Variants in RYR2 observed in about 807,000 individuals in gnomAD.
RYR2 encodes the protein cardiac muscle ryanodine receptor-calcium release channel.
RYR2 carries 227 observed loss-of-function variants against 601.1 expected under a neutral mutation model. That is an observed-to-expected ratio of 0.38 (90% CI 0.34 to 0.42). The LOEUF (loss-of-function observed/expected upper bound fraction) is 0.42. RYR2 is among the 10% of genes least tolerant of loss of function. The pLI is 1.00. For synonymous variants in RYR2, 2,223 were observed against 2,175.1 expected, an observed-to-expected ratio of 1.02 and a Z score of -0.61; for missense variants, 4,646 against 6,156.5, an observed-to-expected ratio of 0.75 and a Z score of 8.21.
At chr1:237,539,970 A>G (rs560299937) in intron 25 of RYR2, among the ~76,000 whole-genome samples, 6 of 152,188 alleles carry the variant, frequency 3.9e-5, no homozygotes, top group Non-Finnish European at 7.4e-5. Context: ...TTAATGGAAA[A>G]TTCTTAAGAA....
chr1:237,395,575 C>A, intron 10 of RYR2, among the ~76,000 whole-genome samples: 1 of 121,644 alleles, frequency 8.2e-6, no homozygotes, highest in South Asian at 2.7e-4. Context: ...GAGACAGAGT[C>A]TCGCTTTGTT....
intron 50 of RYR2, among the ~76,000 whole-genome samples, chr1:237,650,610 C>T (rs530361213): frequency 2.0e-5 from 3 of 152,278 alleles, no homozygotes; most frequent in African/African-American, 7.2e-5. Flanking sequence ...GAATGTCTTA[C>T]AATGAAAACC....
chr1:237,382,819 CTG>C (rs1701645951), intron 8 of RYR2, among the ~76,000 whole-genome samples: 1 of 151,728 alleles, frequency 6.6e-6, no homozygotes, highest in Non-Finnish European at 1.5e-5. Context: ...GATTAATTTG[CTG>C]TGAGCCTTTC....
chr1:237,451,226 C>T (rs6429015), intron 14 of RYR2, among the ~76,000 whole-genome samples: 78,078 of 151,860 alleles, frequency 0.51, 21,511 homozygotes, highest in East Asian at 0.64. Context: ...TTGTATTCTA[C>T]GTTCTATACA....
In RYR2 at chr1:237,831,474, C is replaced by T. The variant is rs1391099107; in HGVS notation, c.14757-40C>T. 2.7e-6 allele frequency: 3 copies of T among 1,108,746 alleles called. No homozygotes were observed. The African/African-American group carries it at 4.7e-5, about 17-fold the overall frequency. The allele number at this position is 1,108,746 out of a possible 1,614,324, so 68.7% of individuals were successfully genotyped here. ...ATATGCCCTGTTTATCCTAATATTT[C>T]CATACCGTTCATTTCTGATCAGTTT... On this transcript the variant is annotated intron_variant, in intron 103 of 104. Coordinates refer to ENST00000366574, the MANE Select transcript of RYR2 (RefSeq NM_001035.3).
At chr1:237,531,674 G>C (rs1277639987) in intron 25 of RYR2, among the ~76,000 whole-genome samples, 4 of 152,104 alleles carry the variant, frequency 2.6e-5, no homozygotes, top group Non-Finnish European at 5.9e-5. Context: ...TTTTTACTCA[G>C]GTGCTCCATA....
intron 1 of RYR2, among the ~76,000 whole-genome samples, chr1:237,206,147 T>C (rs1042257979): frequency 6.6e-6 from 1 of 152,100 alleles, no homozygotes; most frequent in African/African-American, 2.4e-5. Context: ...CTTTGGCTCC[T>C]AGGGCTCCAG....
intron 86 of RYR2, 107 bp downstream of exon 86, chr1:237,772,207 A>G (rs1694327206): frequency 1.3e-5 from 8 of 609,150 alleles, no homozygotes; most frequent in Non-Finnish European, 2.0e-5. Flanking sequence ...AGTTTTTGAG[A>G]TAGTTTATCT....
chr1:237,434,559 G>T (rs772061207), intron 12 of RYR2, among the ~76,000 whole-genome samples: 1 of 151,986 alleles, frequency 6.6e-6, no homozygotes, highest in African/African-American at 2.4e-5. Flanking sequence ...TAATCATAAG[G>T]CAGGTCTTGC....
chr1:237,547,005 T>A (rs189487685), intron 25 of RYR2, among the ~76,000 whole-genome samples: 1,108 of 63,560 alleles, frequency 0.017, 6 homozygotes, highest in Admixed American at 0.053. Context: ...ATTTATTTAT[T>A]TATTTATTTA....
At chr1:237,571,630 A>T (rs140057161) in intron 29 of RYR2, among the ~76,000 whole-genome samples, 1 of 152,126 alleles carries the variant, frequency 6.6e-6, no homozygotes, top group African/African-American at 2.4e-5. Flanking sequence ...CTAATAGTCT[A>T]TATAAATTTG....
At chr1:237,520,057 T>A (rs1029161007) in intron 24 of RYR2, among the ~76,000 whole-genome samples, 15 of 152,158 alleles carry the variant, frequency 9.9e-5, no homozygotes, top group Non-Finnish European at 1.5e-5. Context: ...TATTTTAATT[T>A]TTATGTGGAT....
At chr1:237,602,364 C>T (rs899552951) in intron 35 of RYR2, among the ~76,000 whole-genome samples, 1 of 151,992 alleles carries the variant, frequency 6.6e-6, no homozygotes, top group Non-Finnish European at 1.5e-5. Context: ...GCCGAGATTA[C>T]ACACATTGCA....
At chr1:237,102,017 T>A (rs1239017332) in intron 1 of RYR2, among the ~76,000 whole-genome samples, 1 of 152,204 alleles carries the variant, frequency 6.6e-6, no homozygotes, top group Non-Finnish European at 1.5e-5. Context: ...TATAGGAATG[T>A]AGAGGTCAAA....
At chr1:237,650,165 C>A in intron 50 of RYR2, 68 bp downstream of exon 50, 12 of 1,405,438 alleles carry the variant, frequency 8.5e-6, no homozygotes, top group Non-Finnish European at 1.2e-5. Context: ...TGGCCTTTGA[C>A]AAATTATTTA....
At chr1:237,196,662 A>G (rs571212878) in intron 1 of RYR2, among the ~76,000 whole-genome samples, 3 of 152,260 alleles carry the variant, frequency 2.0e-5, no homozygotes, top group Non-Finnish European at 2.9e-5. Flanking sequence ...CCAGTATCAC[A>G]TTATTTTAAT....
chr1:237,266,071 G>A (rs1208703374), intron 1 of RYR2, among the ~76,000 whole-genome samples: 2 of 152,104 alleles, frequency 1.3e-5, no homozygotes, highest in African/African-American at 4.8e-5. Context: ...GGGCCAAGGT[G>A]AAAAAAATGA....
intron 48 of RYR2, among the ~76,000 whole-genome samples, chr1:237,647,703 A>G (rs1043687573): frequency 6.6e-6 from 1 of 152,214 alleles, no homozygotes; most frequent in Non-Finnish European, 1.5e-5. Flanking sequence ...AGAAGAGTAC[A>G]GTGTGTGGTC....
In RYR2 at chr1:237,347,054, TG is replaced by T. The variant is rs1405368259; in HGVS notation, c.274-8909del. ...ATGAAAATGGAAAAGAGGTTGGGCA[TG>T]GTGGCTCACACCTATAATCCTAGCA... On this transcript the variant is annotated intron_variant, in intron 3 of 104. Transcript: ENST00000366574. Among the ~76,000 whole-genome samples, 3 of 152,128 alleles carry T rather than the reference TG, an allele frequency of 2.0e-5. No homozygotes were observed. The South Asian group carries it at 6.2e-4, about 31-fold the overall frequency.
Sources: allele counts gnomAD v4.1 joint callset (sites outside exome capture counted in the v4.1 genomes callset), GRCh38; gene constraint gnomAD v4.1.1; transcripts MANE v1.5; gene names NCBI Gene and HGNC (gene_info 2026-07-23, HGNC 2026-07-21).